SND1: variants seen among roughly 807,000 people sequenced by gnomAD.
The protein encoded by SND1 is staphylococcal nuclease domain-containing protein 1.
In SND1, 38 loss-of-function variants were observed where a neutral mutation model predicts 121.7. That is an observed-to-expected ratio of 0.31 (90% CI 0.24 to 0.41). SND1 has a LOEUF of 0.41. SND1 is among the 10% of genes least tolerant of loss of function. The probability of loss-of-function intolerance (pLI) is 1.00; values close to 1 mark genes in which losing one functional copy is unlikely to be tolerated. For missense variants in SND1, 868 were observed against 1,184.6 expected (o/e 0.73, Z 3.92); for synonymous variants, 401 against 447.4 (o/e 0.90, Z 1.31).
At chr7:127,901,354 G>A (rs1483196058) in intron 13 of SND1, among the ~76,000 whole-genome samples, 1 of 152,144 alleles carries the variant, frequency 6.6e-6, no homozygotes, top group Admixed American at 6.6e-5. Flanking sequence ...TCCTCTGTGA[G>A]ATTCATTCCT....
At chr7:127,968,989 C>T (rs1584703467) in intron 15 of SND1, among the ~76,000 whole-genome samples, 1 of 152,236 alleles carries the variant, frequency 6.6e-6, no homozygotes, top group East Asian at 1.9e-4. Flanking sequence ...CTTTACGACT[C>T]AACTCCATCC....
intron 15 of SND1, among the ~76,000 whole-genome samples, chr7:127,972,022 G>A (rs573822455): frequency 1.1e-4 from 17 of 151,928 alleles, no homozygotes; most frequent in Admixed American, 2.0e-4. Context: ...CAGTCCACCC[G>A]CCTCGGCCTC....
chr7:127,910,841 C>G (rs1281993743), intron 14 of SND1, among the ~76,000 whole-genome samples: 1 of 152,156 alleles, frequency 6.6e-6, no homozygotes, highest in African/African-American at 2.4e-5. Context: ...ATGGTTCTGC[C>G]GGGTGGGTTT....
Position 127,778,178 on chromosome 7 carries a change from CTTATTTATTTAT to C in SND1, c.1153-29283_1153-29272del, listed in dbSNP as rs143038031. On this transcript the variant is annotated intron_variant, in intron 10 of 23. Transcript: ENST00000354725. ...CCTTGCCAGTCCCATTTATTTGTGTCTTATTTATTTATTTATTTATTTATTTATTTATTTTGA... is the reference window on the plus strand; with the variant it reads ...CCTTGCCAGTCCCATTTATTTGTGTCTTATTTATTTATTTATTTATTTTGA... Among the ~76,000 whole-genome samples the C allele has an allele frequency of 6.2e-4, 91 of 146,880 alleles. 1 individual carries two copies. Among genetic ancestry groups the C allele is most frequent in the African/African-American group, 2.0e-3 (80 of 39,756 alleles).
chr7:127,889,587 G>A (rs1405685139), intron 13 of SND1, among the ~76,000 whole-genome samples: 3 of 151,576 alleles, frequency 2.0e-5, no homozygotes, highest in Non-Finnish European at 4.4e-5. Flanking sequence ...TGACCCTGCT[G>A]TGTAATCAAA....
At chr7:127,972,850 G>A (rs1802031429) in intron 15 of SND1, among the ~76,000 whole-genome samples, 1 of 152,220 alleles carries the variant, frequency 6.6e-6, no homozygotes, top group African/African-American at 2.4e-5. Context: ...AAAGTGTTGG[G>A]ATTACAGGCA....
At position 128,013,271 on chromosome 7, in the gene SND1, C is replaced by G. The variant is rs780161556; in HGVS notation, c.1779+22215C>G. Among the ~76,000 whole-genome samples the G allele has an allele frequency of 8.5e-5, 13 of 152,342 alleles. No homozygotes were observed. In the South Asian group the frequency reaches 2.3e-3, roughly 27 times the overall value. ...CCCTTTATATACCTCCACCTTCCCA[C>G]TCTTAGACCACATTGTCATTGTGTC... On this transcript the variant is annotated intron_variant, in intron 16 of 23. Coordinates refer to ENST00000354725, the MANE Select transcript of SND1 (RefSeq NM_014390.4).
chr7:127,760,582 G>A (rs1368696852), intron 10 of SND1, among the ~76,000 whole-genome samples: 2 of 152,188 alleles, frequency 1.3e-5, no homozygotes, highest in East Asian at 1.9e-4. Flanking sequence ...GAATCATTAT[G>A]TGCCTTGATG....
At chr7:128,053,476 G>A (rs960035281) in intron 16 of SND1, among the ~76,000 whole-genome samples, 1 of 152,140 alleles carries the variant, frequency 6.6e-6, no homozygotes, top group Non-Finnish European at 1.5e-5. Context: ...AAAAAAAATG[G>A]TGCAGGAGGC....
chr7:127,665,436 C>G (rs1321278806), intron 1 of SND1, among the ~76,000 whole-genome samples: 4 of 152,156 alleles, frequency 2.6e-5, no homozygotes, highest in Non-Finnish European at 5.9e-5. Context: ...ATCTGCCCAC[C>G]TTGGCCTCCC....
intron 10 of SND1, among the ~76,000 whole-genome samples, chr7:127,749,098 A>G (rs1320622452): frequency 7.6e-5 from 11 of 144,346 alleles, no homozygotes; most frequent in African/African-American, 2.6e-4. Context: ...AGGTAGTGCA[A>G]TCATGGCTCA....
intron 14 of SND1, among the ~76,000 whole-genome samples, chr7:127,923,446 G>C (rs887078885): frequency 1.3e-5 from 2 of 152,116 alleles, no homozygotes; most frequent in African/African-American, 4.8e-5. Context: ...ACAAAGCATT[G>C]ATAACCAGCC....
chr7:128,024,922 G>C (rs1423799860), intron 16 of SND1, among the ~76,000 whole-genome samples: 1 of 152,182 alleles, frequency 6.6e-6, no homozygotes, highest in African/African-American at 2.4e-5. Context: ...TCCAGTAGGT[G>C]TTTTAAGACC....
intron 12 of SND1, among the ~76,000 whole-genome samples, chr7:127,878,322 T>C (rs917489776): frequency 8.5e-5 from 13 of 152,188 alleles, no homozygotes; most frequent in Admixed American, 7.2e-4. Flanking sequence ...CTAAAACTTA[T>C]TAGAGAGATT....
At chr7:127,760,249 A>G (rs769843154) in intron 10 of SND1, among the ~76,000 whole-genome samples, 4 of 152,210 alleles carry the variant, frequency 2.6e-5, no homozygotes, top group Non-Finnish European at 5.9e-5. Context: ...CGGATGAGGA[A>G]TGGAAAAGGA....
intron 12 of SND1, among the ~76,000 whole-genome samples, chr7:127,878,473 T>C (rs73721023): frequency 0.017 from 2,596 of 152,286 alleles, 93 homozygotes; most frequent in African/African-American, 0.059. Flanking sequence ...TTATAGACAA[T>C]TGGCTCTCAC....
At chr7:127,878,816 A>G (rs1231960188) in intron 12 of SND1, among the ~76,000 whole-genome samples, 1 of 152,124 alleles carries the variant, frequency 6.6e-6, no homozygotes, top group Non-Finnish European at 1.5e-5. Context: ...TGGGAGAGAG[A>G]TTTAGTAAAT....
At chr7:127,715,635 A>G (rs1348355357) in intron 9 of SND1, among the ~76,000 whole-genome samples, 1 of 152,128 alleles carries the variant, frequency 6.6e-6, no homozygotes. Context: ...TATTCTGGAT[A>G]TTAATCCTTT....
At chr7:127,995,564 T>G (rs921146490) in intron 16 of SND1, among the ~76,000 whole-genome samples, 1 of 152,254 alleles carries the variant, frequency 6.6e-6, no homozygotes, top group African/African-American at 2.4e-5. Flanking sequence ...GATATGTGAT[T>G]CTTTTCTGCC....
Sources: gnomAD v4.1 joint callset for allele counts (sites outside exome capture counted in the v4.1 genomes callset) on GRCh38, gnomAD v4.1.1 for gene constraint, MANE v1.5 for transcripts, NCBI Gene and HGNC (gene_info 2026-07-23, HGNC 2026-07-21) for gene names.